The following POLN variants were observed in gnomAD, a reference collection of about 807,000 sequenced individuals.
POLN encodes the protein DNA polymerase nu.
Under a neutral mutation model 113.5 loss-of-function variants are expected in POLN, and 108 were observed. The observed-to-expected ratio is 0.95, with a 90% CI of 0.81 to 1.12. The LOEUF is 1.12. Among genes scored for constraint, POLN ranks in the 50% most tolerant of loss-of-function variants. The probability of loss-of-function intolerance (pLI) is 0.00; values close to 1 mark genes in which losing one functional copy is unlikely to be tolerated. For missense variants in POLN, 1,097 were observed against 1,077.1 expected, an observed-to-expected ratio of 1.02 and a Z score of -0.26; for synonymous variants, 386 against 391.5, an observed-to-expected ratio of 0.99 and a Z score of 0.17.
chr4:2,111,368 T>C (rs1010715786), intron 19 of POLN, among the ~76,000 whole-genome samples: 11 of 151,994 alleles, frequency 7.2e-5, no homozygotes, highest in African/African-American at 2.4e-4. Flanking sequence ...CTATTCAACA[T>C]AGTGTTGGAA....
chr4:2,240,724 C>T (rs1303449105), intron 2 of POLN: 3 of 1,613,886 alleles, frequency 1.9e-6, no homozygotes, highest in African/African-American at 1.3e-5. Flanking sequence ...TCCAATGCCG[C>T]CCCTTCTAGA....
chr4:2,072,898 T>C (rs1296577622), intron 25 of POLN, 70 bp downstream of exon 25: 2 of 1,532,130 alleles, frequency 1.3e-6, no homozygotes, highest in Non-Finnish European at 1.8e-6. Context: ...CTGGCTCTTT[T>C]GCCCTGGGGG....
chr4:2,210,921 CATA>C (rs1733977659), intron 4 of POLN, among the ~76,000 whole-genome samples: 2 of 116,912 alleles, frequency 1.7e-5, no homozygotes, highest in African/African-American at 6.6e-5. Flanking sequence ...CATCTCAAAA[CATA>C]ATAAATAAAT....
rs879592553 is a variant in POLN, at chr4:2,126,128, G to A, written c.1982+1985C>T. Among the ~76,000 whole-genome samples, 28 of 152,196 alleles carry A rather than the reference G, an allele frequency of 1.8e-4. No homozygotes were observed. The highest frequency in any genetic ancestry group is 4.4e-5 in the Non-Finnish European group (3 of 68,038). On this transcript the variant is annotated intron_variant, in intron 19 of 25. Transcript: ENST00000511885. The surrounding 1 kb of genome is among the most constrained non-coding windows in gnomAD (Gnocchi z 4.6). ...CTCCTGGTGCCCTGGACCCCACCAT[G>A]TGCTGTGCTCGTCACATCGACCCGG...
intron 8 of POLN, among the ~76,000 whole-genome samples, chr4:2,178,288 G>A (rs951120399): frequency 6.6e-6 from 1 of 152,222 alleles, no homozygotes; most frequent in Non-Finnish European, 1.5e-5. Context: ...CCCCAGCTCA[G>A]TGCCCAGTAC....
chr4:2,222,512 C>CCAAAAAA (rs1038871538), intron 3 of POLN, among the ~76,000 whole-genome samples: 2 of 151,980 alleles, frequency 1.3e-5, no homozygotes, highest in Non-Finnish European at 2.9e-5. Flanking sequence ...CTAGGTATCA[C>CCAAAAAA]CAAAAAACAA....
chr4:2,072,902 C>A lies in POLN; in HGVS notation c.2517+66G>T. On this transcript the variant is annotated intron_variant, in intron 25 of 25. Transcript: ENST00000511885. ...CACCCTTTGGCCTGGCTCTTTTGCCCTGGGGGTGCTGGCCTCCCCTCACCC... is the reference window on the plus strand; with the variant it reads ...CACCCTTTGGCCTGGCTCTTTTGCCATGGGGGTGCTGGCCTCCCCTCACCC... 1.9e-6 allele frequency: 3 copies of A among 1,552,884 alleles called. No individual in the cohort carries two copies. In the South Asian group the frequency reaches 3.3e-5, roughly 17 times the overall value.
intron 4 of POLN, among the ~76,000 whole-genome samples, chr4:2,211,862 C>T (rs747900869): frequency 6.6e-6 from 1 of 152,048 alleles, no homozygotes; most frequent in African/African-American, 2.4e-5. Flanking sequence ...AGAAAGGGAG[C>T]AAAAAGTTTG....
chr4:2,081,529 C>T, intron 22 of POLN, 104 bp downstream of exon 22: 1 of 1,107,960 alleles, frequency 9.0e-7, no homozygotes, highest in Middle Eastern at 2.1e-4. Flanking sequence ...TTGTGATGAG[C>T]AGGAAATACC....
At chr4:2,134,458 T>A (rs1303192524) in intron 16 of POLN, among the ~76,000 whole-genome samples, 1 of 152,216 alleles carries the variant, frequency 6.6e-6, no homozygotes, top group African/African-American at 2.4e-5. Context: ...CATTTTTCAT[T>A]CCCACCAGCA....
chr4:2,216,373 C>G (rs546008119), intron 3 of POLN, among the ~76,000 whole-genome samples: 8 of 152,234 alleles, frequency 5.3e-5, no homozygotes, highest in South Asian at 4.1e-4. Flanking sequence ...GTTCCCAGAC[C>G]CATTTATTAC....
At chr4:2,231,866 A>G (rs1734589637) in intron 2 of POLN, 1 of 745,352 alleles carries the variant, frequency 1.3e-6, no homozygotes, top group Non-Finnish European at 2.3e-6. Context: ...AGTGTTTATT[A>G]TACACAGTCT....
At position 2,083,904 on chromosome 4, in the gene POLN, T is replaced by C. The variant is rs144475859; in HGVS notation, c.2197+1709A>G. On this transcript the variant is annotated intron_variant, in intron 21 of 25. Coordinates refer to ENST00000511885, the MANE Select transcript of POLN (RefSeq NM_181808.4). Reference sequence around the variant, plus strand: ...TTGTTTTTGACATGTTTACAAAATGTAGAAGGACGTGAGCACATTGCAGGG... The same window carrying C: ...TTGTTTTTGACATGTTTACAAAATGCAGAAGGACGTGAGCACATTGCAGGG... Among the ~76,000 whole-genome samples, 21 of 152,364 alleles carry C rather than the reference T, an allele frequency of 1.4e-4. No individual in the cohort carries two copies. The East Asian group carries it at 3.9e-3, about 28-fold the overall frequency.
chr4:2,113,342 A>T (rs950810790), intron 19 of POLN, among the ~76,000 whole-genome samples: 141 of 152,052 alleles, frequency 9.3e-4, no homozygotes, highest in African/African-American at 3.3e-3. Context: ...CATATGTAAC[A>T]AACCTGCACA....
At chr4:2,236,277 A>G in intron 2 of POLN, 1 of 1,613,766 alleles carries the variant, frequency 6.2e-7, no homozygotes, top group Non-Finnish European at 8.5e-7. Flanking sequence ...AGTATCACAA[A>G]GCATGTCCAC....
intron 4 of POLN, among the ~76,000 whole-genome samples, chr4:2,209,770 T>C (rs1577773939): frequency 7.0e-6 from 1 of 142,406 alleles, no homozygotes; most frequent in East Asian, 2.4e-4. Flanking sequence ...CAAGTAATCC[T>C]CCCACCTCAG....
At chr4:2,097,917 C>T (rs1158276694) in intron 19 of POLN, among the ~76,000 whole-genome samples, 1 of 152,208 alleles carries the variant, frequency 6.6e-6, no homozygotes, top group Non-Finnish European at 1.5e-5. Flanking sequence ...TTCAATGTTT[C>T]TTTGGGGGAC....
chr4:2,116,655 G>T (rs986209095), intron 19 of POLN, among the ~76,000 whole-genome samples: 22 of 152,122 alleles, frequency 1.4e-4, no homozygotes, highest in African/African-American at 5.3e-4. Context: ...CCTTGCAAGG[G>T]CAAGTGGCCT....
chr4:2,135,098 C>T (rs764087959), intron 16 of POLN, among the ~76,000 whole-genome samples: 17 of 152,154 alleles, frequency 1.1e-4, no homozygotes, highest in African/African-American at 2.7e-4. Context: ...TCTGTCATGA[C>T]GTGTGTATCA....
Sources: gnomAD v4.1 joint callset for allele counts (sites outside exome capture counted in the v4.1 genomes callset) on GRCh38, gnomAD v4.1.1 for gene constraint, Gnocchi (gnomAD v3.1) non-coding constraint, MANE v1.5 for transcripts, NCBI Gene and HGNC (gene_info 2026-07-23, HGNC 2026-07-21) for gene names.